The following MYH7B variants were observed in gnomAD, a reference collection of about 807,000 sequenced individuals.
MYH7B encodes the protein myosin-7B.
In MYH7B, 205 loss-of-function variants were observed where a neutral mutation model predicts 234.5. That is an observed-to-expected ratio of 0.87 (90% CI 0.78 to 0.98). MYH7B has a LOEUF of 0.98. Ranked by LOEUF, MYH7B falls within the 50% of genes least tolerant of loss-of-function variation. MYH7B has a pLI of 0.00. For synonymous variants in MYH7B, 1,193 were observed against 1,105.0 expected (o/e 1.08, Z -1.58); for missense variants, 2,652 against 2,633.4 (o/e 1.01, Z -0.15).
chr20:34,994,173 C>T (rs749769761), exon 27 of MYH7B: 4 of 1,613,408 alleles, frequency 2.5e-6, no homozygotes, highest in Non-Finnish European at 3.4e-6. Flanking sequence ...TCCAGTGGAA[C>T]ATCCGTGCCT....
At chr20:35,000,371 G>A (rs1421084393) in exon 39 of MYH7B, 1 of 1,599,216 alleles carries the variant, frequency 6.3e-7, no homozygotes, top group Admixed American at 1.7e-5. Context: ...AGGCGCTGCG[G>A]CTCAAGAAGA....
intron 38 of MYH7B, 71 bp from the exon 39 acceptor site, chr20:35,000,222 C>T (rs746733657): frequency 1.0e-4 from 156 of 1,490,944 alleles, no homozygotes; most frequent in Non-Finnish European, 1.2e-4. Context: ...TCGTTTCCAA[C>T]GGTCCTTGGG....
intron 2 of MYH7B, among the ~76,000 whole-genome samples, chr20:34,963,171 CTG>C (rs1341288914): frequency 2.0e-5 from 3 of 152,220 alleles, no homozygotes; most frequent in Non-Finnish European, 4.4e-5. Context: ...GGAAAAAAGT[CTG>C]TACATGCTCA....
chr20:34,969,697 C>T (rs925242924), intron 2 of MYH7B, among the ~76,000 whole-genome samples: 1 of 152,044 alleles, frequency 6.6e-6, no homozygotes, highest in Non-Finnish European at 1.5e-5. Flanking sequence ...GCACCTGCCA[C>T]CATGCCCAGC....
chr20:34,999,233 G>A (rs1202857128), exon 36 of MYH7B: 9 of 1,609,962 alleles, frequency 5.6e-6, no homozygotes, highest in Non-Finnish European at 6.8e-6. Flanking sequence ...AGCGGCACTT[G>A]GAACGGGCAC....
In MYH7B at chr20:34,986,996, G is replaced by A; in HGVS notation, c.1008+7G>A. The A allele has an allele frequency of 6.2e-7, 1 of 1,612,974 alleles. No homozygotes were observed. The highest frequency in any genetic ancestry group is 8.5e-7 in the Non-Finnish European group (1 of 1,179,226). ...GGAGCTCATCGCCACCGACGTATGA[G>A]CTCTGGTGGGAGGGGAGCTGTGTGG... On this transcript the variant is annotated splice_region_variant and intron_variant, in intron 15 of 44. Coordinates refer to ENST00000262873, the Ensembl canonical transcript of MYH7B.
intron 2 of MYH7B, among the ~76,000 whole-genome samples, chr20:34,972,321 T>C (rs1009225520): frequency 1.3e-5 from 2 of 152,006 alleles, no homozygotes; most frequent in Non-Finnish European, 2.9e-5. Context: ...CTCATGGCTA[T>C]TGTATTTGCT....
exon 27 of MYH7B, chr20:34,994,384 G>C (rs757522711): frequency 1.3e-6 from 2 of 1,584,900 alleles, no homozygotes; most frequent in African/African-American, 2.7e-5. Flanking sequence ...GAATGACCTG[G>C]CCCTGCAGCT....
Position 34,977,689 on chromosome 20 carries a change from T to C in MYH7B, c.-73+9T>C. On this transcript the variant is annotated intron_variant, in intron 4 of 44. Transcript: ENST00000262873. ...CTCACCGTGGTGCCGAGGTAGGTGA[T>C]CAGGGCTGGGGTTGGAGCCGAAGGG... The C allele has an allele frequency of 7.9e-7, 1 of 1,262,234 alleles. No individual in the cohort carries two copies. Among genetic ancestry groups the C allele is most frequent in the Non-Finnish European group, 1.0e-6 (1 of 965,648 alleles). 78.2% of individuals were successfully genotyped at this position (1,262,234 alleles called of 1,614,324 possible).
chr20:34,987,625 C>T lies in MYH7B; in HGVS notation c.1216C>T (p.Arg406Trp), dbSNP rs764290402. 29 of 1,613,980 alleles carry T rather than the reference C, an allele frequency of 1.8e-5. No homozygotes were observed. The highest frequency in any genetic ancestry group is 1.6e-4 in the Middle Eastern group (1 of 6,082). The change falls in exon 17 of 45, where the codon CGG becomes TGG. Residue 406 changes from arginine (R) to tryptophan (W), a missense_variant. Transcript: ENST00000262873. Reference sequence around the variant, plus strand: ...CCTCCTCAAAGGCCTTTTGCACCCCCGGGTGCGTGTAGGGAACGAGTACGT... The same window carrying T: ...CCTCCTCAAAGGCCTTTTGCACCCCTGGGTGCGTGTAGGGAACGAGTACGT...
chr20:34,999,687 G>A, exon 37 of MYH7B: 1 of 1,613,474 alleles, frequency 6.2e-7, no homozygotes, highest in Non-Finnish European at 8.5e-7. Flanking sequence ...TGCACTGGAG[G>A]AGGCAGAGGT....
In MYH7B at chr20:35,000,621, C is replaced by T. The variant is rs528383184; in HGVS notation, c.5110C>T (p.Arg1704Cys). Residue 1704 changes from arginine to cysteine, a missense_variant, in exon 39 of 45, where the codon CGC becomes TGC. Physicochemically the swap from Arg to Cys is radical, Grantham distance 180 (BLOSUM62 -3). Transcript: ENST00000262873. ...GCGGGCTGCCCTGGAGCAGGGCGAG[C>T]GCAGCCGGCGACTGGCAGAGCAGGA... 1.8e-5 allele frequency: 28 copies of T among 1,574,562 alleles called. No individual in the cohort carries two copies. The highest frequency in any genetic ancestry group is 5.7e-5 in the Admixed American group (3 of 52,662).
At chr20:35,001,770 A>AT (rs770401329) in intron 43 of MYH7B, among the ~76,000 whole-genome samples, 178 bp from the exon 44 acceptor site, 25 of 152,210 alleles carry the variant, frequency 1.6e-4, no homozygotes, top group Non-Finnish European at 3.5e-4. Context: ...AAAAAGGCAC[A>AT]TGAAGTTGGT....
exon 28 of MYH7B, chr20:34,995,440 TGAG>T (rs757776254): frequency 1.1e-5 from 18 of 1,613,322 alleles, no homozygotes; most frequent in South Asian, 5.5e-5. Context: ...GGCTGGAGGA[TGAG>T]GAGGAGGTGA....
chr20:34,990,107 C>T (rs867165975), exon 21 of MYH7B: 2 of 1,614,180 alleles, frequency 1.2e-6, no homozygotes, highest in Non-Finnish European at 1.7e-6. Context: ...GAATAGGCTC[C>T]TGGCGACTCT....
chr20:34,963,065 T>A (rs2081712948), intron 2 of MYH7B, among the ~76,000 whole-genome samples: 2 of 152,212 alleles, frequency 1.3e-5, no homozygotes. Flanking sequence ...GACACTGCAC[T>A]CCAGCCTGGG....
At chr20:34,977,789 G>T in intron 4 of MYH7B, 109 bp downstream of exon 4, 1 of 1,508,924 alleles carries the variant, frequency 6.6e-7, no homozygotes, top group Non-Finnish European at 9.1e-7. Context: ...AGTGGAGGAA[G>T]CCCTGGTGTT....
chr20:34,973,647 C>G (rs1483792211), intron 2 of MYH7B, among the ~76,000 whole-genome samples: 1 of 152,210 alleles, frequency 6.6e-6, no homozygotes, highest in Non-Finnish European at 1.5e-5. Context: ...GGTGAAAAGT[C>G]CCCTTTTGCA....
Position 34,998,231 on chromosome 20 carries a change from T to C in MYH7B, c.3748-64T>C. Reference sequence around the variant, plus strand: ...CAGTCTCTGATCCCAGATCCTGCCATCTGATGCACAAACTTGTTCTGACAT... The same window carrying C: ...CAGTCTCTGATCCCAGATCCTGCCACCTGATGCACAAACTTGTTCTGACAT... On this transcript the variant is annotated intron_variant, in intron 32 of 44. Transcript: ENST00000262873. The C allele has an allele frequency of 1.9e-6, 3 of 1,583,564 alleles. No homozygotes were observed. In the Admixed American group the frequency reaches 5.1e-5, roughly 27 times the overall value.
Sources: allele counts gnomAD v4.1 joint callset (sites outside exome capture counted in the v4.1 genomes callset), GRCh38; gene constraint gnomAD v4.1.1; transcripts MANE v1.5; gene names NCBI Gene and HGNC (gene_info 2026-07-23, HGNC 2026-07-21).